ODF2L: variants seen among roughly 807,000 people sequenced by gnomAD.
ODF2L encodes the protein protein BCAP.
Under a neutral mutation model 86.3 loss-of-function variants are expected in ODF2L, and 76 were observed. The observed-to-expected ratio is 0.88, with a 90% CI of 0.73 to 1.07. The LOEUF is 1.07. Ranked by LOEUF, ODF2L falls within the 50% of genes least tolerant of loss-of-function variation. ODF2L has a pLI of 0.00. For synonymous variants in ODF2L, 241 were observed against 231.3 expected, an observed-to-expected ratio of 1.04 and a Z score of -0.38; for missense variants, 748 against 717.4, an observed-to-expected ratio of 1.04 and a Z score of -0.49.
At chr1:86,348,727 T>A (rs2100648321), downstream of ODF2L, 2 of 1,438,668 alleles carry the variant, frequency 1.4e-6, no homozygotes, top group African/African-American at 1.5e-5. Context: ...AATCTACTAC[T>A]TAGAGAAAAT....
At chr1:86,388,829 A>G (rs1054148838) in intron 1 of ODF2L, among the ~76,000 whole-genome samples, 3 of 152,152 alleles carry the variant, frequency 2.0e-5, no homozygotes, top group Non-Finnish European at 4.4e-5. Flanking sequence ...CTTATCTTAA[A>G]GGGTAAACAA....
At chr1:86,383,986 A>C (rs1266376781) in intron 4 of ODF2L, among the ~76,000 whole-genome samples, 1 of 151,816 alleles carries the variant, frequency 6.6e-6, no homozygotes, top group Non-Finnish European at 1.5e-5. Context: ...AATACTGCAA[A>C]ATGTACACAA....
intron 11 of ODF2L, among the ~76,000 whole-genome samples, chr1:86,361,990 G>C (rs1245309626): frequency 1.3e-5 from 2 of 152,172 alleles, no homozygotes; most frequent in African/African-American, 4.8e-5. Context: ...ATGACATGTG[G>C]GCGAAGGCCT....
exon 15 of ODF2L, chr1:86,354,841 G>C: frequency 6.2e-7 from 1 of 1,600,246 alleles, no homozygotes; most frequent in Non-Finnish European, 8.5e-7. Flanking sequence ...TTTGTCAGAA[G>C]ATTGTGATTT....
At chr1:86,358,505 C>G (rs1344835736) in intron 13 of ODF2L, 2 of 170,898 alleles carry the variant, frequency 1.2e-5, no homozygotes, top group Non-Finnish European at 2.5e-5. Context: ...TGATTGATAA[C>G]CATTTTTTGA....
chr1:86,367,935 G>A (rs1056391467), intron 11 of ODF2L, among the ~76,000 whole-genome samples: 1 of 152,118 alleles, frequency 6.6e-6, no homozygotes, highest in Admixed American at 6.5e-5. Flanking sequence ...TGGTAAGCAG[G>A]GGAATGATGT....
intron 7 of ODF2L, among the ~76,000 whole-genome samples, chr1:86,380,479 C>T (rs940528362): frequency 1.3e-5 from 2 of 152,084 alleles, no homozygotes; most frequent in Non-Finnish European, 2.9e-5. Context: ...ATCATCACAC[C>T]ATGAATAGTT....
intron 14 of ODF2L, chr1:86,355,129 C>A (rs2100751945): frequency 5.6e-6 from 3 of 538,152 alleles, no homozygotes; most frequent in East Asian, 6.0e-5. Flanking sequence ...TGAACAACAC[C>A]TTATTGAAGA....
chr1:86,393,781 T>C (rs780129727), intron 1 of ODF2L, among the ~76,000 whole-genome samples: 5 of 152,250 alleles, frequency 3.3e-5, no homozygotes, highest in Non-Finnish European at 5.9e-5. Context: ...TTAAACTTGC[T>C]ATTAACTGTG....
intron 13 of ODF2L, 89 bp from the exon 13 acceptor site, chr1:86,356,691 G>GT: frequency 9.0e-7 from 1 of 1,108,522 alleles, no homozygotes. Flanking sequence ...TGCTTATAAC[G>GT]TAAGTATTTT....
chr1:86,369,396 T>C lies in ODF2L; in HGVS notation c.1057-674A>G, dbSNP rs1041530486. Among the ~76,000 whole-genome samples the C allele has an allele frequency of 2.0e-5, 3 of 152,328 alleles. No homozygotes were observed. In the South Asian group the frequency reaches 6.2e-4, roughly 32 times the overall value. On this transcript the variant is annotated intron_variant, in intron 10 of 17. Coordinates refer to ENST00000317336, the Ensembl canonical transcript of ODF2L. ...GAAAAGAAGACCTTGCTACTTCCTA[T>C]AACGTATATCACTTAGATTCCTATT...
In ODF2L at chr1:86,358,772, A is replaced by C; in HGVS notation, c.1359+15T>G. On this transcript the variant is annotated intron_variant, in intron 13 of 17. Coordinates refer to ENST00000317336, the Ensembl canonical transcript of ODF2L. ...AAATATATAAAATATTATTTATTTG[A>C]AATTCCAAACGTACCTTCTCTACAT... 2 of 1,028,338 alleles carry C rather than the reference A, an allele frequency of 1.9e-6. No individual in the cohort carries two copies. Among genetic ancestry groups the C allele is most frequent in the Non-Finnish European group, 1.4e-6 (1 of 702,770 alleles). The allele number at this position is 1,028,338 out of a possible 1,614,324, so 63.7% of individuals were successfully genotyped here. A position where few individuals can be genotyped will look rare whatever the true frequency, so the allele number is the denominator to read the frequency against.
chr1:86,364,122 T>C (rs1194969111), intron 11 of ODF2L, among the ~76,000 whole-genome samples: 1 of 152,216 alleles, frequency 6.6e-6, no homozygotes, highest in East Asian at 1.9e-4. Context: ...ATAGTCTATA[T>C]AATTTAAAAT....
At chr1:86,366,034 T>C (rs1457367136) in intron 11 of ODF2L, among the ~76,000 whole-genome samples, 2 of 152,170 alleles carry the variant, frequency 1.3e-5, no homozygotes, top group Admixed American at 6.5e-5. Context: ...AAGACGCATG[T>C]ATTTTGGCAT....
intron 10 of ODF2L, among the ~76,000 whole-genome samples, chr1:86,369,804 C>A (rs1363551065): frequency 6.6e-6 from 1 of 151,960 alleles, no homozygotes; most frequent in East Asian, 1.9e-4. Flanking sequence ...CTTTTCAGGC[C>A]ACAACATTTT....
At chr1:86,362,004 G>C (rs555580642) in intron 11 of ODF2L, among the ~76,000 whole-genome samples, 2 of 152,270 alleles carry the variant, frequency 1.3e-5, no homozygotes, top group South Asian at 4.1e-4. Context: ...AAGGCCTCCT[G>C]AGAAAGAGAC....
intron 1 of ODF2L, among the ~76,000 whole-genome samples, chr1:86,391,730 T>C (rs1661344521): frequency 6.6e-6 from 1 of 152,062 alleles, no homozygotes; most frequent in African/African-American, 2.4e-5. Flanking sequence ...ATCTAAGACC[T>C]GAAACTATAA....
Position 86,360,550 on chromosome 1 carries a change from T to C in ODF2L, c.1144-14A>G, listed in dbSNP as rs752476955. On this transcript the variant is annotated splice_polypyrimidine_tract_variant and intron_variant, in intron 11 of 17. Transcript: ENST00000317336. ...AGCAAGTGTAGTCTAGCAAAAAAGA[T>C]ATAGATTTTATAAGTCATTAGAATA... The C allele has an allele frequency of 2.8e-5, 34 of 1,209,306 alleles. No individual in the cohort carries two copies. Among genetic ancestry groups the C allele is most frequent in the Non-Finnish European group, 3.9e-5 (32 of 828,610 alleles). 74.9% of individuals were successfully genotyped at this position (1,209,306 alleles called of 1,614,324 possible). A position where few individuals can be genotyped will look rare whatever the true frequency, so the allele number is the denominator to read the frequency against.
chr1:86,357,515 C>T (rs166627), intron 13 of ODF2L: 49,974 of 159,614 alleles, frequency 0.31, 8,147 homozygotes, highest in African/African-American at 0.4. Context: ...GTGCTTACTA[C>T]GTGCTAGGCA....
Sources: allele counts gnomAD v4.1 joint callset (sites outside exome capture counted in the v4.1 genomes callset), GRCh38; gene constraint gnomAD v4.1.1; transcripts MANE v1.5; gene names NCBI Gene and HGNC (gene_info 2026-07-23, HGNC 2026-07-21).